The following ALG10B variants were observed in gnomAD, a reference collection of about 807,000 sequenced individuals.
ALG10B encodes ALG10 alpha-1,2-glucosyltransferase B.
Under a neutral mutation model 38.7 loss-of-function variants are expected in ALG10B, and 27 were observed. The ratio of observed to expected loss-of-function variants is 0.70; its 90% CI spans 0.51 to 0.96. The LOEUF is 0.96. Among genes scored for constraint, ALG10B ranks in the 40% least tolerant of loss-of-function variants. The pLI, the probability that ALG10B is intolerant of heterozygous loss-of-function variation, is 0.00. For missense variants in ALG10B, 522 were observed against 542.7 expected, an observed-to-expected ratio of 0.96 and a Z score of 0.38; for synonymous variants, 177 against 193.3, an observed-to-expected ratio of 0.92 and a Z score of 0.70.
Position 38,327,092 on chromosome 12 carries a change from G to A in ALG10B, c.*5879G>A, listed in dbSNP as rs1281547786. On this transcript the variant is annotated 3_prime_UTR_variant, in exon 3 of 3. Coordinates refer to ENST00000308742, the MANE Select transcript of ALG10B (RefSeq NM_001013620.4). ...ATATACAAATTTGTATATATGTAAT[G>A]TATGTGTGTGTGTATACATATAATT... 6.8e-6 allele frequency: 1 copy of A among 146,792 alleles called. No individual in the cohort carries two copies. Among genetic ancestry groups the A allele is most frequent in the African/African-American group, 2.5e-5 (1 of 40,074 alleles). 9.1% of individuals were successfully genotyped at this position (146,792 alleles called of 1,614,324 possible).
rs1004747956 is a variant in ALG10B at position 38,325,622 on chromosome 12, A to C, written c.*4409A>C. 31 of 152,210 alleles carry C rather than the reference A, an allele frequency of 2.0e-4. No homozygotes were observed. The highest frequency in any genetic ancestry group is 7.5e-4 in the African/African-American group (31 of 41,458). 9.4% of individuals were successfully genotyped at this position (152,210 alleles called of 1,614,324 possible). A position where few individuals can be genotyped will look rare whatever the true frequency, so the allele number is the denominator to read the frequency against. On this transcript the variant is annotated 3_prime_UTR_variant, in exon 3 of 3. Coordinates refer to ENST00000308742, the MANE Select transcript of ALG10B (RefSeq NM_001013620.4). ...GTAAGAATTGTGATATAAATTTGAA[A>C]ATTTTTAAATGGAAATTGAAATATG...
At position 38,325,102 on chromosome 12, in the gene ALG10B, A is replaced by G. The variant is rs1591940203; in HGVS notation, c.*3889A>G. On this transcript the variant is annotated 3_prime_UTR_variant, in exon 3 of 3. Transcript: ENST00000308742. ...TTCAGGTATGCTGTGAATTTTGTTA[A>G]CGTTTATGTTTTCCATTAATGGATA... is the stretch of plus-strand genomic sequence containing the variant. 1 of 152,144 alleles carries G rather than the reference A, an allele frequency of 6.6e-6. No homozygotes were observed. The highest frequency in any genetic ancestry group is 2.4e-5 in the African/African-American group (1 of 41,446). The allele number at this position is 152,144 out of a possible 1,614,324, so 9.4% of individuals were successfully genotyped here.
In ALG10B at chr12:38,321,114, G is replaced by C. The variant is rs771686989; in HGVS notation, c.1323G>C (p.Leu441=). ...LPPTSRLVCE[L]SCYAIVNFIT... is the part of the protein sequence containing the mutation. Reference sequence around the variant, plus strand: ...CCACATCCAGACTTGTTTGTGAACTGAGTTGCTATGCAATTGTTAATTTCA... The same window carrying C: ...CCACATCCAGACTTGTTTGTGAACTCAGTTGCTATGCAATTGTTAATTTCA... Residue 441 remains leucine (L), a synonymous_variant, in exon 3 of 3, where the codon CTG becomes CTC. Transcript: ENST00000308742. 4.3e-6 allele frequency: 7 copies of C among 1,613,668 alleles called. No homozygotes were observed. Among genetic ancestry groups the C allele is most frequent in the East Asian group, 2.2e-5 (1 of 44,852 alleles).
rs1945740541 is a variant in ALG10B at position 38,325,972 on chromosome 12, A to G, written c.*4759A>G. 1 of 152,112 alleles carries G rather than the reference A, an allele frequency of 6.6e-6. No homozygotes were observed. Among genetic ancestry groups the G allele is most frequent in the Non-Finnish European group, 1.5e-5 (1 of 67,994 alleles). 9.4% of individuals were successfully genotyped at this position (152,112 alleles called of 1,614,324 possible). ...ATCCTACATAACCGTGGCTAATTTT[A>G]GGAAGTAAATCATGTTTCATAATAA... On this transcript the variant is annotated 3_prime_UTR_variant, in exon 3 of 3. Coordinates refer to ENST00000308742, the MANE Select transcript of ALG10B (RefSeq NM_001013620.4).
chr12:38,320,569 C>T lies in ALG10B; in HGVS notation c.778C>T (p.Leu260=). The T allele has an allele frequency of 1.9e-6, 3 of 1,614,060 alleles. No individual in the cohort carries two copies. Among genetic ancestry groups the T allele is most frequent in the African/African-American group, 2.7e-5 (2 of 75,006 alleles). ...LFCLTWPYIL[L]GFLFCAFVVV... is the part of the protein sequence containing the mutation. ...CTGTTTGACTTGGCCCTACATCCTT[C>T]TGGGATTTCTGTTTTGTGCTTTTGT... Residue 260 remains leucine (L), a synonymous_variant, in exon 3 of 3, where the codon CTG becomes TTG. Coordinates refer to ENST00000308742, the MANE Select transcript of ALG10B (RefSeq NM_001013620.4).
chr12:38,318,429 C>G lies in ALG10B; in HGVS notation c.340C>G (p.Leu114Val). 6.2e-7 allele frequency: 1 copy of G among 1,614,120 alleles called. No homozygotes were observed. Among genetic ancestry groups the G allele is most frequent in the Admixed American group, 1.7e-5 (1 of 60,012 alleles). ...TGGCAACTTCTATTTACTATATTTG[C>G]TTTTCCACAAGGTACAACCCAGAAA... The part of the protein sequence containing the change: ...SVGNFYLLYL[L>V]FHKVQPRNKA... Residue 114 changes from leucine (L) to valine (V), a missense_variant, in exon 2 of 3, where the codon CTT becomes GTT. Leu to Val is a conservative substitution (Grantham distance 32, BLOSUM62 1). Transcript: ENST00000308742.
rs534768937 is a variant in ALG10B at position 38,316,808 on chromosome 12, C to T, written c.-86C>T. ...TCTGGCTAGTCCTGTCTAGCGCGCC[C>T]ATTTCGAGCCCAAGTTTCCAGCTCG... On this transcript the variant is annotated 5_prime_UTR_variant, in exon 1 of 3. Transcript: ENST00000308742. 2 of 1,610,634 alleles carry T rather than the reference C, an allele frequency of 1.2e-6. No homozygotes were observed. The highest frequency in any genetic ancestry group is 8.5e-7 in the Non-Finnish European group (1 of 1,178,140).
rs753774176 is a variant in ALG10B, at chr12:38,321,187, C to A, written c.1396C>A (p.Gln466Lys). Residue 466 changes from glutamine to lysine, a missense_variant, in exon 3 of 3, where the codon CAG becomes AAG. Gln to Lys is a moderately conservative substitution (Grantham distance 53). Transcript: ENST00000308742. ...LNKTFQWPNS[Q>K]DIQRFMW ...CAAGACTTTTCAGTGGCCAAATAGT[C>A]AGGACATTCAAAGGTTTATGTGGTA... The A allele has an allele frequency of 6.2e-7, 1 of 1,611,656 alleles. No homozygotes were observed. The highest frequency in any genetic ancestry group is 8.5e-7 in the Non-Finnish European group (1 of 1,179,084).
rs1169802081 is a variant in ALG10B at position 38,327,796 on chromosome 12, C to A, written c.*6583C>A. On this transcript the variant is annotated 3_prime_UTR_variant, in exon 3 of 3. Transcript: ENST00000308742. ...AAATGCTACAAACTGTTCAAAAGAG[C>A]ATGAACAACATGATAACTCCTTATA... 3.3e-5 allele frequency: 5 copies of A among 152,092 alleles called. No individual in the cohort carries two copies. The highest frequency in any genetic ancestry group is 5.9e-5 in the Non-Finnish European group (4 of 68,028). The allele number at this position is 152,092 out of a possible 1,614,324, so 9.4% of individuals were successfully genotyped here.
At chr12:38,318,204 G>C in intron 1 of ALG10B, 57 bp from the exon 2 acceptor site, 1 of 1,600,636 alleles carries the variant, frequency 6.2e-7, no homozygotes, top group East Asian at 2.2e-5. Context: ...TGACATATTT[G>C]TGTCTGTCTT....
chr12:38,319,237 T>C (rs1565603797), intron 2 of ALG10B, among the ~76,000 whole-genome samples: 1 of 152,110 alleles, frequency 6.6e-6, no homozygotes, highest in Non-Finnish European at 1.5e-5. Flanking sequence ...GAGAAGATGG[T>C]ACCAGAGCTG....
In ALG10B at chr12:38,320,629, A is replaced by G. The variant is rs1489141328; in HGVS notation, c.838A>G (p.Ser280Gly). The change falls in exon 3 of 3, where the codon AGT (serine) becomes GGT (glycine). Residue 280 changes from serine (S) to glycine (G), a missense_variant. Ser to Gly is a moderately conservative substitution (Grantham distance 56, BLOSUM62 0). Coordinates refer to ENST00000308742, the MANE Select transcript of ALG10B (RefSeq NM_001013620.4). Reference sequence around the variant, plus strand: ...TGGTGGAATTGTTATTGGCGATCGGAGTAGTCATGAAGCCTGTCTTCATTT... The same window carrying G: ...TGGTGGAATTGTTATTGGCGATCGGGGTAGTCATGAAGCCTGTCTTCATTT... Reference protein sequence around the residue: ...VNGGIVIGDRSSHEACLHFPQ... With the variant: ...VNGGIVIGDRGSHEACLHFPQ... 1.2e-6 allele frequency: 2 copies of G among 1,614,046 alleles called. No homozygotes were observed. Among genetic ancestry groups the G allele is most frequent in the Admixed American group, 3.3e-5 (2 of 60,014 alleles).
chr12:38,318,721 T>C (rs1351619427), intron 2 of ALG10B, among the ~76,000 whole-genome samples: 1 of 152,234 alleles, frequency 6.6e-6, no homozygotes, highest in East Asian at 1.9e-4. Flanking sequence ...TTACTGAGCT[T>C]ATTCCATGTG....
At chr12:38,319,284 A>G (rs73109527) in intron 2 of ALG10B, among the ~76,000 whole-genome samples, 153 of 152,204 alleles carry the variant, frequency 1.0e-3, no homozygotes, top group Middle Eastern at 6.8e-3. Context: ...TAGGGTGAGG[A>G]ATTAATCCTG....
rs930264071 is a variant in ALG10B, at chr12:38,326,661, G to C, written c.*5448G>C. 8 of 151,504 alleles carry C rather than the reference G, an allele frequency of 5.3e-5. No individual in the cohort carries two copies. The highest frequency in any genetic ancestry group is 2.9e-5 in the Non-Finnish European group (2 of 67,844). 9.4% of individuals were successfully genotyped at this position (151,504 alleles called of 1,614,324 possible). On this transcript the variant is annotated 3_prime_UTR_variant, in exon 3 of 3. Transcript: ENST00000308742. ...CAAATACTTTGTTTTTTTTAGTTGG[G>C]CTACATTTTACCACTCTAGGAATAG... is the stretch of plus-strand genomic sequence containing the variant.
At position 38,329,323 on chromosome 12, in the gene ALG10B, A is replaced by G. The variant is rs1945773814; in HGVS notation, c.*8110A>G. On this transcript the variant is annotated 3_prime_UTR_variant, in exon 3 of 3. Transcript: ENST00000308742. ...ACTCAGGGCTGGAGCCTTCAGCCAT[A>G]TTAACATACATTGACATAAAGACCT... The G allele has an allele frequency of 1.0e-5, 4 of 397,574 alleles. No individual in the cohort carries two copies. In the South Asian group the frequency reaches 5.2e-4, roughly 52 times the overall value. 24.6% of individuals were successfully genotyped at this position (397,574 alleles called of 1,614,324 possible).
At position 38,329,081 on chromosome 12, in the gene ALG10B, C is replaced by A. The variant is rs1193668176; in HGVS notation, c.*7868C>A. 1.8e-5 allele frequency: 7 copies of A among 396,694 alleles called. No homozygotes were observed. Among genetic ancestry groups the A allele is most frequent in the Non-Finnish European group, 3.1e-5 (7 of 225,128 alleles). The allele number at this position is 396,694 out of a possible 1,614,324, so 24.6% of individuals were successfully genotyped here. ...ATGATGGAGAAAGGCATGAAGTCTA[C>A]CTTCAAATTCATGGCATTTTAGAAG... On this transcript the variant is annotated 3_prime_UTR_variant, in exon 3 of 3. Transcript: ENST00000308742.
rs750210623 is a variant in ALG10B, at chr12:38,321,175, T to G, written c.1384T>G (p.Trp462Gly). 1 of 1,612,460 alleles carries G rather than the reference T, an allele frequency of 6.2e-7. No homozygotes were observed. The highest frequency in any genetic ancestry group is 8.5e-7 in the Non-Finnish European group (1 of 1,179,330). The stretch of plus-strand genomic sequence containing the variant: ...CATCTTTCTGAACAAGACTTTTCAG[T>G]GGCCAAATAGTCAGGACATTCAAAG... ...FYIFLNKTFQ[W>G]PNSQDIQRFM... Residue 462 changes from tryptophan (W) to glycine (G), a missense_variant, in exon 3 of 3, where the codon TGG becomes GGG. Coordinates refer to ENST00000308742, the MANE Select transcript of ALG10B (RefSeq NM_001013620.4).
Position 38,323,703 on chromosome 12 carries a change from A to G in ALG10B, c.*2490A>G. Reference sequence around the variant, plus strand: ...TCTAGTACTCAGAAAATAGATCGGCATTAGTTATAACAGTGATTGTAGAAA... The same window carrying G: ...TCTAGTACTCAGAAAATAGATCGGCGTTAGTTATAACAGTGATTGTAGAAA... On this transcript the variant is annotated 3_prime_UTR_variant, in exon 3 of 3. Coordinates refer to ENST00000308742, the MANE Select transcript of ALG10B (RefSeq NM_001013620.4). 1.8e-6 allele frequency: 1 copy of G among 560,152 alleles called. No individual in the cohort carries two copies. The highest frequency in any genetic ancestry group is 3.2e-6 in the Non-Finnish European group (1 of 316,026). The allele number at this position is 560,152 out of a possible 1,614,324, so 34.7% of individuals were successfully genotyped here. A position where few individuals can be genotyped will look rare whatever the true frequency, so the allele number is the denominator to read the frequency against.
Sources: gnomAD v4.1 joint callset for allele counts (sites outside exome capture counted in the v4.1 genomes callset) on GRCh38, gnomAD v4.1.1 for gene constraint, MANE v1.5 for transcripts, NCBI Gene and HGNC (gene_info 2026-07-23, HGNC 2026-07-21) for gene names.